MALRD1: variants seen among roughly 807,000 people sequenced by gnomAD.
MALRD1 encodes the protein MAM and LDL receptor class A domain containing 1, also known as MAM and LDL-receptor class A domain-containing protein 1.
Under a neutral mutation model 242.1 loss-of-function variants are expected in MALRD1, and 247 were observed. That is an observed-to-expected ratio of 1.02 (90% confidence interval 0.92 to 1.13). MALRD1 has a LOEUF of 1.13. Among genes scored for constraint, MALRD1 ranks in the 50% most tolerant of loss-of-function variants. The probability of loss-of-function intolerance (pLI) is 0.00; values close to 1 mark genes in which losing one functional copy is unlikely to be tolerated. For missense variants in MALRD1, 2,989 were observed against 2,533.1 expected (o/e 1.18, Z -3.86); for synonymous variants, 995 against 866.6 (o/e 1.15, Z -2.60).
chr10:19,135,209 C>T (rs1833287697), intron 9 of MALRD1, among the ~76,000 whole-genome samples: 1 of 152,144 alleles, frequency 6.6e-6, no homozygotes, highest in African/African-American at 2.4e-5. Flanking sequence ...GGCTGGAGTG[C>T]AGTGATGGGA....
intron 21 of MALRD1, among the ~76,000 whole-genome samples, chr10:19,304,543 T>C (rs1458428530): frequency 6.6e-6 from 1 of 151,780 alleles, no homozygotes; most frequent in Non-Finnish European, 1.5e-5. Flanking sequence ...GGATACATCA[T>C]AAATTGAAAA....
chr10:19,167,331 C>G (rs1389517678), intron 13 of MALRD1, among the ~76,000 whole-genome samples: 3 of 152,032 alleles, frequency 2.0e-5, no homozygotes, highest in Non-Finnish European at 4.4e-5. Context: ...TGCACTGCAG[C>G]CTGGGCAACA....
intron 36 of MALRD1, among the ~76,000 whole-genome samples, chr10:19,642,300 G>A (rs1383353400): frequency 6.6e-6 from 1 of 152,048 alleles, no homozygotes; most frequent in East Asian, 1.9e-4. Flanking sequence ...TAGCAAATGG[G>A]TAATTTTAAA....
chr10:19,059,594 G>C (rs1359434351), intron 1 of MALRD1, among the ~76,000 whole-genome samples: 3 of 152,030 alleles, frequency 2.0e-5, no homozygotes, highest in Admixed American at 2.0e-4. Context: ...GTTTCACTGT[G>C]TTGGCCAGGC....
At chr10:19,639,373 C>T (rs1274667535) in intron 36 of MALRD1, among the ~76,000 whole-genome samples, 1 of 152,184 alleles carries the variant, frequency 6.6e-6, no homozygotes, top group African/African-American at 2.4e-5. Flanking sequence ...AGACACATCT[C>T]TTCGATCGCC....
chr10:19,721,219 G>C (rs1348954008), intron 38 of MALRD1, among the ~76,000 whole-genome samples: 1 of 152,126 alleles, frequency 6.6e-6, no homozygotes, highest in African/African-American at 2.4e-5. Context: ...TTATTGGAAT[G>C]CTATATTATA....
At chr10:19,689,665 A>G (rs1163698498) in intron 36 of MALRD1, among the ~76,000 whole-genome samples, 2 of 152,070 alleles carry the variant, frequency 1.3e-5, no homozygotes, top group Non-Finnish European at 2.9e-5. Context: ...AAATAATACA[A>G]TTTTATTTTG....
intron 14 of MALRD1, among the ~76,000 whole-genome samples, chr10:19,178,318 C>A (rs1040166976): frequency 6.6e-6 from 1 of 152,042 alleles, no homozygotes. Context: ...GTCCAGTAGA[C>A]AATTATAGGA....
intron 36 of MALRD1, among the ~76,000 whole-genome samples, chr10:19,624,525 T>C (rs1230038055): frequency 3.3e-5 from 5 of 152,212 alleles, no homozygotes; most frequent in Middle Eastern, 6.8e-3. Context: ...GGTCATGACA[T>C]AAACCTGTGG....
At chr10:19,165,895 C>T (rs1404642887) in intron 13 of MALRD1, 85 bp downstream of exon 13, 4 of 1,013,556 alleles carry the variant, frequency 3.9e-6, no homozygotes, top group Non-Finnish European at 5.1e-6. Context: ...ACACACATAG[C>T]TCATACCTTT....
At chr10:19,069,775 T>C (rs1004721531) in intron 2 of MALRD1, among the ~76,000 whole-genome samples, 3 of 151,830 alleles carry the variant, frequency 2.0e-5, no homozygotes, top group Non-Finnish European at 2.9e-5. Context: ...GTGTTTAATA[T>C]ATCTTTGTTG....
At chr10:19,233,469 T>A (rs1454800598) in intron 18 of MALRD1, among the ~76,000 whole-genome samples, 5 of 152,082 alleles carry the variant, frequency 3.3e-5, no homozygotes, top group African/African-American at 7.2e-5. Flanking sequence ...GCCATTGTAC[T>A]CCAGCCTGAG....
chr10:19,112,688 A>T (rs546077081), intron 5 of MALRD1, among the ~76,000 whole-genome samples: 93 of 152,282 alleles, frequency 6.1e-4, no homozygotes, highest in African/African-American at 1.9e-3. Flanking sequence ...TGACTATTTT[A>T]TCTGGATAAC....
intron 36 of MALRD1, among the ~76,000 whole-genome samples, chr10:19,622,964 G>A (rs192005753): frequency 0.011 from 1,607 of 152,034 alleles, 13 homozygotes; most frequent in Non-Finnish European, 0.016. Context: ...TTGGAAAAGG[G>A]TAAAATTAGA....
chr10:19,691,524 G>A (rs758570103), intron 36 of MALRD1, among the ~76,000 whole-genome samples: 1 of 152,020 alleles, frequency 6.6e-6, no homozygotes, highest in African/African-American at 2.4e-5. Context: ...CAAACCCTTC[G>A]TAATTTGTAT....
At chr10:19,576,964 G>GTTTTTTTTTTTTT (rs11331552) in intron 33 of MALRD1, among the ~76,000 whole-genome samples, 1 of 123,414 alleles carries the variant, frequency 8.1e-6, no homozygotes. Context: ...CCACATTGTC[G>GTTTTTTTTTTTTT]TTTTTTTTTT....
chr10:19,614,388 A>G (rs1225005198), intron 35 of MALRD1, among the ~76,000 whole-genome samples: 1 of 152,094 alleles, frequency 6.6e-6, no homozygotes, highest in African/African-American at 2.4e-5. Context: ...GTTCGATTAA[A>G]ATTAAAGACA....
At chr10:19,262,994 T>C (rs1839821220) in intron 19 of MALRD1, among the ~76,000 whole-genome samples, 1 of 152,204 alleles carries the variant, frequency 6.6e-6, no homozygotes, top group Non-Finnish European at 1.5e-5. Flanking sequence ...AATGTTCCAA[T>C]GTACATATAT....
rs552679673 is a variant in MALRD1 at position 19,367,985 on chromosome 10, T to A, written c.4441+15688T>A. On this transcript the variant is annotated intron_variant, in intron 26 of 39. Coordinates refer to ENST00000454679, the MANE Select transcript of MALRD1 (RefSeq NM_001142308.3). ...TATTATTTTGCTGTTGAGATATATG[T>A]TTTCCTCATATATTCTGGATATTAG... 3.9e-5 allele frequency among the ~76,000 whole-genome samples: 6 copies of A among 152,180 alleles called. No individual in the cohort carries two copies. In the East Asian group the frequency reaches 1.2e-3, roughly 29 times the overall value.
Sources: allele counts gnomAD v4.1 joint callset (sites outside exome capture counted in the v4.1 genomes callset), GRCh38; gene constraint gnomAD v4.1.1; transcripts MANE v1.5; gene names NCBI Gene and HGNC (gene_info 2026-07-23, HGNC 2026-07-21).